The following PDCD10 variants were observed in gnomAD, a reference collection of about 807,000 sequenced individuals.
PDCD10 encodes the protein programmed cell death protein 10.
Under a neutral mutation model 29.2 loss-of-function variants are expected in PDCD10, and 4 were observed. The ratio of observed to expected loss-of-function variants is 0.14; its 90% CI spans 0.07 to 0.31. The LOEUF is 0.31. Ranked by LOEUF, PDCD10 falls within the 10% of genes least tolerant of loss-of-function variation. The pLI is 1.00. For synonymous variants in PDCD10, 70 were observed against 82.2 expected (o/e 0.85, Z 0.80); for missense variants, 183 against 257.9 (o/e 0.71, Z 1.99).
At chr3:167,696,976 G>A in intron 5 of PDCD10, 33 bp downstream of exon 5, 1 of 1,054,884 alleles carries the variant, frequency 9.5e-7, no homozygotes, top group Non-Finnish European at 1.5e-6. Flanking sequence ...TTTAACAATT[G>A]TATAACTTAA....
chr3:167,697,809 T>A (rs1334824463), intron 4 of PDCD10: 1 of 395,086 alleles, frequency 2.5e-6, no homozygotes, highest in Non-Finnish European at 5.0e-6. Flanking sequence ...ACACTAAAAT[T>A]TTCTAGCCAT....
intron 4 of PDCD10, among the ~76,000 whole-genome samples, chr3:167,702,675 T>C (rs1721567148): frequency 6.6e-6 from 1 of 152,210 alleles, no homozygotes; most frequent in South Asian, 2.1e-4. Flanking sequence ...ACAAAAACCA[T>C]GATGAAAATT....
intron 8 of PDCD10, among the ~76,000 whole-genome samples, chr3:167,686,263 T>C (rs905054477): frequency 5.3e-5 from 8 of 152,230 alleles, no homozygotes; most frequent in Non-Finnish European, 8.8e-5. Flanking sequence ...ATAAAATCTC[T>C]TGGTTTTCTA....
At chr3:167,699,459 T>C (rs1404060807) in intron 4 of PDCD10, among the ~76,000 whole-genome samples, 2 of 152,210 alleles carry the variant, frequency 1.3e-5, no homozygotes, top group Non-Finnish European at 2.9e-5. Context: ...GTAGTCTCAG[T>C]ACCTCCTGGC....
intron 5 of PDCD10, 53 bp downstream of exon 5, chr3:167,696,955 AG>A: frequency 1.1e-6 from 1 of 890,942 alleles, no homozygotes; most frequent in South Asian, 1.3e-5. Flanking sequence ...AATGATTTAG[AG>A]GAAGTGCTAT....
chr3:167,684,630 G>A (rs1222380337), intron 8 of PDCD10, among the ~76,000 whole-genome samples: 3 of 152,156 alleles, frequency 2.0e-5, no homozygotes, highest in Middle Eastern at 3.4e-3. Flanking sequence ...GCTAATGATA[G>A]TGCCTCAACA....
intron 2 of PDCD10, among the ~76,000 whole-genome samples, chr3:167,723,585 C>A (rs188540001): frequency 1.3e-5 from 2 of 152,286 alleles, no homozygotes; most frequent in African/African-American, 4.8e-5. Flanking sequence ...CTCCTGGTCA[C>A]AACATCTAGC....
At chr3:167,710,310 T>C (rs994002727) in intron 3 of PDCD10, among the ~76,000 whole-genome samples, 41 of 152,182 alleles carry the variant, frequency 2.7e-4, no homozygotes, top group Admixed American at 2.1e-3. Context: ...AGACCTGTCC[T>C]GGCCCAGAGA....
At chr3:167,684,866 A>G (rs1363515204) in intron 8 of PDCD10, among the ~76,000 whole-genome samples, 5 of 152,336 alleles carry the variant, frequency 3.3e-5, no homozygotes, top group Non-Finnish European at 7.3e-5. Context: ...TCTAAGCTAC[A>G]AACTACTACA....
intron 2 of PDCD10, among the ~76,000 whole-genome samples, chr3:167,733,002 T>C (rs575975390): frequency 9.8e-5 from 15 of 152,360 alleles, no homozygotes; most frequent in African/African-American, 3.6e-4. Context: ...CATTCTATAG[T>C]ATCATACTTT....
intron 3 of PDCD10, among the ~76,000 whole-genome samples, chr3:167,707,680 AAAAAC>A (rs542413350): frequency 5.9e-5 from 9 of 152,218 alleles, no homozygotes; most frequent in East Asian, 1.9e-4. Context: ...TCTCCATCTC[AAAAAC>A]AAAACAAAAC....
chr3:167,720,272 A>T lies in PDCD10; in HGVS notation c.-115T>A. ...AGAATTGGACACAAAAAACACACTG[A>T]TCTGGTGAAAGAGGAAGAAAGAACA... On this transcript the variant is annotated splice_region_variant and 5_prime_UTR_variant, in exon 3 of 9. Transcript: ENST00000392750. 1.4e-6 allele frequency: 1 copy of T among 723,506 alleles called. No individual in the cohort carries two copies. The highest frequency in any genetic ancestry group is 2.5e-6 in the Non-Finnish European group (1 of 400,884). The allele number at this position is 723,506 out of a possible 1,614,324, so 44.8% of individuals were successfully genotyped here.
chr3:167,730,153 C>T (rs1412776216), intron 2 of PDCD10, among the ~76,000 whole-genome samples: 1 of 152,138 alleles, frequency 6.6e-6, no homozygotes, highest in Non-Finnish European at 1.5e-5. Context: ...CAGTGTTTAT[C>T]TTTCAGCACA....
chr3:167,706,745 T>C (rs1722013403), intron 3 of PDCD10, among the ~76,000 whole-genome samples: 1 of 152,216 alleles, frequency 6.6e-6, no homozygotes, highest in Non-Finnish European at 1.5e-5. Flanking sequence ...CTTCCTCATA[T>C]GGTATTGATA....
chr3:167,733,473 A>C (rs950769517), intron 2 of PDCD10, among the ~76,000 whole-genome samples: 1 of 152,214 alleles, frequency 6.6e-6, no homozygotes, highest in African/African-American at 2.4e-5. Flanking sequence ...TGAAAGTCAC[A>C]GTTGATGCTA....
chr3:167,693,340 T>A (rs1337565211), intron 6 of PDCD10, among the ~76,000 whole-genome samples: 2 of 152,228 alleles, frequency 1.3e-5, no homozygotes, highest in Non-Finnish European at 2.9e-5. Flanking sequence ...CCACGTATCA[T>A]TATTATTCTC....
chr3:167,716,493 A>G (rs1158689858), intron 3 of PDCD10, among the ~76,000 whole-genome samples: 2 of 152,010 alleles, frequency 1.3e-5, no homozygotes, highest in East Asian at 3.9e-4. Context: ...TACGCATTGC[A>G]TGCCTGTTTC....
chr3:167,690,060 A>T (rs936952045), intron 6 of PDCD10, among the ~76,000 whole-genome samples: 1 of 152,198 alleles, frequency 6.6e-6, no homozygotes, highest in Non-Finnish European at 1.5e-5. Flanking sequence ...CTGAGAAAAA[A>T]CTTGAGGGTA....
At chr3:167,685,530 TA>T (rs1416764243) in intron 8 of PDCD10, among the ~76,000 whole-genome samples, 2 of 151,856 alleles carry the variant, frequency 1.3e-5, no homozygotes, top group Non-Finnish European at 2.9e-5. Context: ...GAAACAGGTA[TA>T]AAACTCAAGC....
Sources: allele counts gnomAD v4.1 joint callset (sites outside exome capture counted in the v4.1 genomes callset), GRCh38; gene constraint gnomAD v4.1.1; transcripts MANE v1.5; gene names NCBI Gene and HGNC (gene_info 2026-07-23, HGNC 2026-07-21).